Variants in ZFYVE9 observed in about 807,000 individuals in gnomAD.
The protein encoded by ZFYVE9 is zinc finger FYVE-type containing 9.
Under a neutral mutation model 126.7 loss-of-function variants are expected in ZFYVE9, and 43 were observed. That is an observed-to-expected ratio of 0.34 (90% CI 0.27 to 0.44). The LOEUF (loss-of-function observed/expected upper bound fraction) is 0.44, where lower values mean the gene tolerates loss of function less well. Ranked by LOEUF, ZFYVE9 falls within the 20% of genes least tolerant of loss-of-function variation. The pLI is 1.00. For synonymous variants in ZFYVE9, 521 were observed against 597.4 expected, an observed-to-expected ratio of 0.87 and a Z score of 1.87; for missense variants, 1,476 against 1,697.0, an observed-to-expected ratio of 0.87 and a Z score of 2.29.
chr1:52,305,412 A>G (rs1162897313), intron 13 of ZFYVE9, among the ~76,000 whole-genome samples: 2 of 152,196 alleles, frequency 1.3e-5, no homozygotes, highest in Non-Finnish European at 2.9e-5. Flanking sequence ...CTGGGCGACA[A>G]GAGCAAAACT....
chr1:52,316,527 A>G (rs1646187243), intron 13 of ZFYVE9, among the ~76,000 whole-genome samples: 1 of 152,126 alleles, frequency 6.6e-6, no homozygotes, highest in Non-Finnish European at 1.5e-5. Flanking sequence ...ATAGCATAGT[A>G]ATATTAATTA....
At chr1:52,169,953 C>T (rs1194210870) in intron 1 of ZFYVE9, among the ~76,000 whole-genome samples, 5 of 152,200 alleles carry the variant, frequency 3.3e-5, no homozygotes, top group East Asian at 3.9e-4. Context: ...AATACATTTT[C>T]GTTATGTGAT....
intron 13 of ZFYVE9, among the ~76,000 whole-genome samples, chr1:52,323,895 CAAA>C (rs35308713): frequency 3.2e-5 from 4 of 126,112 alleles, no homozygotes; most frequent in Non-Finnish European, 3.2e-5. Flanking sequence ...CTACTAAATA[CAAA>C]AAAAAAAAAA....
At position 52,238,548 on chromosome 1, in the gene ZFYVE9, T is replaced by C. The variant is rs113233514; in HGVS notation, c.1131T>C (p.His377=). Reference sequence around the variant, plus strand: ...CTGATGAAAATGAAGGTTATGAACATGAAGAAACTCTTGGCACTACAGAAT... The same window carrying C: ...CTGATGAAAATGAAGGTTATGAACACGAAGAAACTCTTGGCACTACAGAAT... ...VRADENEGYE[H]EETLGTTEFL... Residue 377 remains histidine, a synonymous_variant, in exon 4 of 19, where the codon CAT becomes CAC. Coordinates refer to ENST00000287727, the MANE Select transcript of ZFYVE9 (RefSeq NM_004799.4). 6.2e-7 allele frequency: 1 copy of C among 1,614,078 alleles called. No homozygotes were observed. Among genetic ancestry groups the C allele is most frequent in the African/African-American group, 1.3e-5 (1 of 75,052 alleles).
chr1:52,216,292 G>A (rs1158442603), intron 1 of ZFYVE9, 77 bp from the exon 2 acceptor site: 1 of 397,358 alleles, frequency 2.5e-6, no homozygotes, highest in African/African-American at 2.1e-5. Context: ...CATTTGTCTG[G>A]CTATGGTAGA....
At chr1:52,177,844 G>C (rs1280402594) in intron 1 of ZFYVE9, among the ~76,000 whole-genome samples, 2 of 151,948 alleles carry the variant, frequency 1.3e-5, no homozygotes, top group Admixed American at 6.6e-5. Flanking sequence ...TGTTATGCTA[G>C]TTTTGTAGGC....
intron 7 of ZFYVE9, among the ~76,000 whole-genome samples, chr1:52,272,277 CACAA>C (rs1645700091): frequency 1.3e-5 from 2 of 152,216 alleles, no homozygotes; most frequent in South Asian, 2.1e-4. Context: ...TGTATACACA[CACAA>C]ACACACACAC....
intron 13 of ZFYVE9, among the ~76,000 whole-genome samples, chr1:52,327,250 T>C (rs1213828023): frequency 6.6e-6 from 1 of 152,134 alleles, no homozygotes; most frequent in Non-Finnish European, 1.5e-5. Flanking sequence ...GTACAGAGAA[T>C]GTGCTATGGC....
chr1:52,239,438 G>A lies in ZFYVE9; in HGVS notation c.2021G>A (p.Arg674Lys). The change falls in exon 4 of 19, where the codon AGA (arginine) becomes AAA (lysine). Residue 674 changes from arginine to lysine, a missense_variant. Coordinates refer to ENST00000287727, the MANE Select transcript of ZFYVE9 (RefSeq NM_004799.4). The stretch of plus-strand genomic sequence containing the variant: ...CCAGATAGCCCAGATAATGATCTCA[G>A]AGCTGGTCAGTTTGGAATTTCTGCC... ...LAPDSPDNDL[R>K]AGQFGISARK... 1.2e-6 allele frequency: 2 copies of A among 1,614,122 alleles called. No individual in the cohort carries two copies. Among genetic ancestry groups the A allele is most frequent in the Non-Finnish European group, 8.5e-7 (1 of 1,180,014 alleles).
At chr1:52,336,725 G>C (rs1646393176) in intron 15 of ZFYVE9, among the ~76,000 whole-genome samples, 1 of 152,060 alleles carries the variant, frequency 6.6e-6, no homozygotes, top group South Asian at 2.1e-4. Flanking sequence ...ATGATGAAGT[G>C]TTGACTATAG....
At chr1:52,176,200 G>C (rs1172886359) in intron 1 of ZFYVE9, among the ~76,000 whole-genome samples, 1 of 152,178 alleles carries the variant, frequency 6.6e-6, no homozygotes, top group Non-Finnish European at 1.5e-5. Flanking sequence ...CTGTTTGTTA[G>C]TTTTCCTTCT....
At chr1:52,278,336 T>A (rs1645768013) in intron 8 of ZFYVE9, among the ~76,000 whole-genome samples, 156 bp from the exon 9 acceptor site, 1 of 152,222 alleles carries the variant, frequency 6.6e-6, no homozygotes, top group East Asian at 1.9e-4. Flanking sequence ...ATTAATTTGA[T>A]ACTGAGCCAG....
intron 15 of ZFYVE9, among the ~76,000 whole-genome samples, chr1:52,336,631 T>C (rs1646392315): frequency 7.2e-6 from 1 of 138,384 alleles, no homozygotes; most frequent in Non-Finnish European, 1.5e-5. Flanking sequence ...AGTGCTGGGA[T>C]TACAGGTGTG....
chr1:52,192,016 A>G (rs1287912309), intron 1 of ZFYVE9, among the ~76,000 whole-genome samples: 1 of 124,172 alleles, frequency 8.1e-6, no homozygotes, highest in African/African-American at 2.6e-5. Flanking sequence ...CTTAGGACAC[A>G]GTAATTGGCA....
chr1:52,186,995 A>G (rs1210118587), intron 1 of ZFYVE9, among the ~76,000 whole-genome samples: 1 of 152,186 alleles, frequency 6.6e-6, no homozygotes, highest in African/African-American at 2.4e-5. Context: ...GAACCAAAAA[A>G]GAGCCCCAAA....
At chr1:52,319,937 C>T (rs370857511) in intron 13 of ZFYVE9, among the ~76,000 whole-genome samples, 4 of 149,278 alleles carry the variant, frequency 2.7e-5, no homozygotes, top group Non-Finnish European at 4.5e-5. Flanking sequence ...CTCTTGAACC[C>T]GGGAGGCAGA....
intron 1 of ZFYVE9, among the ~76,000 whole-genome samples, chr1:52,210,258 T>G (rs569278167): frequency 6.6e-6 from 1 of 152,292 alleles, no homozygotes; most frequent in Non-Finnish European, 1.5e-5. Flanking sequence ...ACTGGAACAT[T>G]AATGAGTCAG....
intron 1 of ZFYVE9, among the ~76,000 whole-genome samples, chr1:52,188,992 C>T (rs1004225604): frequency 2.0e-5 from 3 of 152,010 alleles, no homozygotes; most frequent in Non-Finnish European, 2.9e-5. Flanking sequence ...CGTTGGAGTG[C>T]AGTGGCATGA....
intron 4 of ZFYVE9, among the ~76,000 whole-genome samples, chr1:52,243,437 C>G (rs1645354919): frequency 6.6e-6 from 1 of 152,070 alleles, no homozygotes; most frequent in South Asian, 2.1e-4. Flanking sequence ...CTTCAAAGAA[C>G]AGAGAAAAAT....
Sources: allele counts gnomAD v4.1 joint callset (sites outside exome capture counted in the v4.1 genomes callset), GRCh38; gene constraint gnomAD v4.1.1; transcripts MANE v1.5; gene names NCBI Gene and HGNC (gene_info 2026-07-23, HGNC 2026-07-21).